TFEC: variants seen among roughly 807,000 people sequenced by gnomAD.
The protein encoded by TFEC is transcription factor EC.
A neutral mutation model predicts 41.6 loss-of-function variants in TFEC; 31 were observed. The ratio of observed to expected loss-of-function variants is 0.74; its 90% confidence interval spans 0.56 to 1.01. The LOEUF is 1.01. TFEC is among the 50% of genes least tolerant of loss of function. The probability of loss-of-function intolerance (pLI) is 0.00; values close to 1 mark genes in which losing one functional copy is unlikely to be tolerated. For synonymous variants in TFEC, 143 were observed against 140.6 expected, an observed-to-expected ratio of 1.02 and a Z score of -0.12; for missense variants, 402 against 404.1, an observed-to-expected ratio of 0.99 and a Z score of 0.04.
Position 115,942,142 on chromosome 7 carries a change from AC to A in TFEC, c.516-103del, listed in dbSNP as rs1403900524. ...TTAATATGAAATAATGATTTACATG[AC>A]TATTATTCACTCTTAGATATTATTG... On this transcript the variant is annotated intron_variant, in intron 6 of 7. Transcript: ENST00000265440. 5 of 1,201,536 alleles carry A rather than the reference AC, an allele frequency of 4.2e-6. No homozygotes were observed. The East Asian group carries it at 1.3e-4, about 30-fold the overall frequency. 74.4% of individuals were successfully genotyped at this position (1,201,536 alleles called of 1,614,324 possible). A position where few individuals can be genotyped will look rare whatever the true frequency, so the allele number is the denominator to read the frequency against.
chr7:116,115,695 C>G (rs1275793647), intron 1 of TFEC, among the ~76,000 whole-genome samples: 2 of 151,912 alleles, frequency 1.3e-5, no homozygotes, highest in Non-Finnish European at 2.9e-5. Flanking sequence ...TCCACAAGTT[C>G]CGGGGATTAG....
In TFEC at chr7:116,043,713, G is replaced by C. The variant is rs1227927470; in HGVS notation, c.199-59200C>G. 2.0e-5 allele frequency among the ~76,000 whole-genome samples: 3 copies of C among 152,284 alleles called. No homozygotes were observed. The East Asian group carries it at 5.8e-4, about 29-fold the overall frequency. ...AAGAAACATATGAAAATACATCTGA[G>C]TATTGAACAGAGTGTGACCACCTGA... is the stretch of plus-strand genomic sequence containing the variant. On this transcript the variant is annotated intron_variant, in intron 3 of 8. Coordinates refer to the TFEC transcript ENST00000484212.
chr7:116,043,266 T>C (rs1357679294), intron 3 of TFEC, among the ~76,000 whole-genome samples: 1 of 152,228 alleles, frequency 6.6e-6, no homozygotes, highest in South Asian at 2.1e-4. Context: ...CTTAAGGACT[T>C]TTTTTTCTGA....
intron 3 of TFEC, among the ~76,000 whole-genome samples, chr7:115,970,899 A>G (rs1793103797): frequency 6.6e-6 from 1 of 152,006 alleles, no homozygotes; most frequent in African/African-American, 2.4e-5. Flanking sequence ...CCGTGAGGCA[A>G]ATAATCCCCT....
intron 1 of TFEC, among the ~76,000 whole-genome samples, chr7:116,134,021 C>T (rs762279533): frequency 1.6e-4 from 25 of 152,250 alleles, no homozygotes; most frequent in Admixed American, 1.5e-3. Flanking sequence ...AGATAGCAGG[C>T]CAGTCAATCC....
intron 3 of TFEC, among the ~76,000 whole-genome samples, chr7:116,041,164 C>T (rs1192078980): frequency 1.3e-5 from 2 of 152,048 alleles, no homozygotes; most frequent in Non-Finnish European, 2.9e-5. Context: ...ACTAATTACA[C>T]TGGGTGTAAG....
chr7:116,029,132 T>C (rs1464142794), intron 1 of TFEC, among the ~76,000 whole-genome samples: 1 of 152,112 alleles, frequency 6.6e-6, no homozygotes, highest in Non-Finnish European at 1.5e-5. Flanking sequence ...CAAAATGTAC[T>C]ACATTGAACT....
intron 3 of TFEC, among the ~76,000 whole-genome samples, chr7:116,093,593 G>T (rs1436899231): frequency 6.6e-6 from 1 of 151,754 alleles, no homozygotes; most frequent in African/African-American, 2.4e-5. Context: ...TTTTCACTGT[G>T]CTCTTACCAA....
At chr7:116,034,536 C>A (rs1795863538), upstream of TFEC, among the ~76,000 whole-genome samples, 1 of 151,948 alleles carries the variant, frequency 6.6e-6, no homozygotes, top group African/African-American at 2.4e-5. Context: ...CACCTTCAAA[C>A]CCACCTGGAA....
At chr7:116,050,630 T>G (rs2130953805) in intron 3 of TFEC, among the ~76,000 whole-genome samples, 1 of 152,220 alleles carries the variant, frequency 6.6e-6, no homozygotes, top group Middle Eastern at 3.4e-3. Context: ...TGGCAATCAT[T>G]AAAAAGTCAA....
At chr7:115,992,112 TAC>T (rs1461481849) in intron 1 of TFEC, among the ~76,000 whole-genome samples, 1 of 152,156 alleles carries the variant, frequency 6.6e-6, no homozygotes. Context: ...GACTACTGGG[TAC>T]ACGACGAAAT....
rs1442542054 is a variant in TFEC at position 116,058,211 on chromosome 7, G to C, written c.198+52497C>G. 2.6e-5 allele frequency among the ~76,000 whole-genome samples: 4 copies of C among 151,522 alleles called. No homozygotes were observed. The East Asian group carries it at 7.7e-4, about 29-fold the overall frequency. ...GCAAAAATTATACCACACTAACACG[G>C]ATCAAAAGGCAATTGGAATGGCTAT... On this transcript the variant is annotated intron_variant, in intron 3 of 8. Coordinates refer to the TFEC transcript ENST00000484212.
At chr7:116,030,776 T>C (rs186277189), upstream of TFEC, 452 of 985,396 alleles carry the variant, frequency 4.6e-4, 3 homozygotes, top group African/African-American at 6.9e-3. Flanking sequence ...TTTGGGCTGG[T>C]TGGAATCCAG....
At chr7:116,145,394 G>A (rs562083222) in intron 1 of TFEC, among the ~76,000 whole-genome samples, 3 of 152,228 alleles carry the variant, frequency 2.0e-5, no homozygotes, top group South Asian at 2.1e-4. Context: ...GGCCACAGAC[G>A]AACAGAGGAG....
rs183345345 is a variant in TFEC, at chr7:115,994,969, T to C, written c.-72-10456A>G. On this transcript the variant is annotated intron_variant, in intron 1 of 7. Coordinates refer to ENST00000265440, the MANE Select transcript of TFEC (RefSeq NM_012252.4). ...ACCCAAATGTCCATCAATGATAGAC[T>C]GGATTAAGAAAATGTGGCACATATC... is the stretch of plus-strand genomic sequence containing the variant. 6.6e-4 allele frequency among the ~76,000 whole-genome samples: 101 copies of C among 152,158 alleles called. 2 individuals carry two copies. In the East Asian group the frequency reaches 0.018, roughly 28 times the overall value.
intron 1 of TFEC, among the ~76,000 whole-genome samples, chr7:116,142,106 G>A (rs977583362): frequency 2.6e-5 from 4 of 152,178 alleles, no homozygotes; most frequent in Non-Finnish European, 4.4e-5. Flanking sequence ...GTGGGCAGCT[G>A]TCAGAGCAGC....
chr7:115,993,201 G>A (rs922118822), intron 1 of TFEC, among the ~76,000 whole-genome samples: 2 of 152,056 alleles, frequency 1.3e-5, no homozygotes, highest in Non-Finnish European at 2.9e-5. Context: ...TTGATGGGAC[G>A]TATCTCAAAA....
intron 1 of TFEC, among the ~76,000 whole-genome samples, chr7:115,994,026 G>A (rs188240806): frequency 8.7e-4 from 133 of 152,308 alleles, no homozygotes; most frequent in African/African-American, 2.8e-3. Context: ...CTATGGAAGA[G>A]AACAGAGCCC....
intron 3 of TFEC, among the ~76,000 whole-genome samples, chr7:116,053,752 G>A (rs1466801277): frequency 3.9e-5 from 6 of 152,168 alleles, no homozygotes; most frequent in Admixed American, 3.3e-4. Context: ...CCACTAACAA[G>A]AAGGTTCTCA....
Sources: allele counts gnomAD v4.1 joint callset (sites outside exome capture counted in the v4.1 genomes callset), GRCh38; gene constraint gnomAD v4.1.1; transcripts MANE v1.5; gene names NCBI Gene and HGNC (gene_info 2026-07-23, HGNC 2026-07-21).